Variants in MPV17 observed in about 807,000 individuals in gnomAD.
MPV17 encodes the protein mitochondrial inner membrane protein MPV17.
MPV17 carries 31 observed loss-of-function variants against 28.6 expected under a neutral mutation model. The observed-to-expected ratio is 1.08, with a 90% confidence interval of 0.81 to 1.46. The LOEUF (loss-of-function observed/expected upper bound fraction) is 1.46, where lower values mean the gene tolerates loss of function less well. Ranked by LOEUF, MPV17 falls within the 40% of genes most tolerant of loss-of-function variation. The pLI is 0.00. For missense variants in MPV17, 198 were observed against 216.2 expected (o/e 0.92, Z 0.53); for synonymous variants, 87 against 85.3 (o/e 1.02, Z -0.11).
intron 4 of MPV17, 36 bp downstream of exon 4, chr2:27,312,644 C>T (rs760435174): frequency 1.2e-6 from 2 of 1,613,356 alleles, no homozygotes; most frequent in East Asian, 2.2e-5. Flanking sequence ...CTACCCCCAA[C>T]ACAGCTCACC....
chr2:27,309,854 G>C lies in MPV17; in HGVS notation c.*58C>G. On this transcript the variant is annotated 3_prime_UTR_variant, in exon 8 of 8. Coordinates refer to ENST00000380044, the MANE Select transcript of MPV17 (RefSeq NM_002437.5). The stretch of plus-strand genomic sequence containing the variant: ...TATGCCCACTTTGAGGAGGTTGTCT[G>C]ACCGTTCCAGGGTCAAGCTGCATCA... The C allele has an allele frequency of 6.8e-7, 1 of 1,478,750 alleles. No homozygotes were observed. Among genetic ancestry groups the C allele is most frequent in the Non-Finnish European group, 9.5e-7 (1 of 1,058,088 alleles). The allele number at this position is 1,478,750 out of a possible 1,614,324, so 91.6% of individuals were successfully genotyped here.
intron 2 of MPV17, among the ~76,000 whole-genome samples, chr2:27,320,221 T>A (rs1326314828): frequency 2.7e-5 from 4 of 149,580 alleles, no homozygotes; most frequent in Non-Finnish European, 5.9e-5. Context: ...CGGGCAACAG[T>A]GCAAGACTCC....
chr2:27,312,428 C>A, intron 5 of MPV17, 66 bp downstream of exon 5: 1 of 1,555,660 alleles, frequency 6.4e-7, no homozygotes. Context: ...CCCTGTAAAA[C>A]CTGTCTTCTT....
intron 7 of MPV17, among the ~76,000 whole-genome samples, chr2:27,310,830 C>T (rs1374464290): frequency 3.3e-5 from 5 of 152,132 alleles, no homozygotes; most frequent in South Asian, 2.1e-4. Flanking sequence ...CTGCAACCTC[C>T]GCCTCCCAGG....
chr2:27,312,408 C>G, intron 5 of MPV17, 86 bp downstream of exon 5: 2 of 1,493,728 alleles, frequency 1.3e-6, no homozygotes, highest in Non-Finnish European at 1.9e-6. Context: ...GCACTTACCC[C>G]CTTTTTTATC....
At chr2:27,311,268 C>T in intron 7 of MPV17, 1 of 335,468 alleles carries the variant, frequency 3.0e-6, no homozygotes, top group Non-Finnish European at 5.6e-6. Flanking sequence ...ACTATATTGC[C>T]CAGGCTGGTG....
chr2:27,310,052 T>C (rs1429992412), intron 7 of MPV17, 71 bp from the exon 8 acceptor site: 3 of 1,175,540 alleles, frequency 2.6e-6, no homozygotes, highest in African/African-American at 3.0e-5. Context: ...GATGGGAGCA[T>C]GAAATGGCAA....
Position 27,309,615 on chromosome 2 carries a change from A to G in MPV17, c.*297T>C. ...TAGAGTAACAAATGTGTCTATGAAG[A>G]GTGGGGATGAGTGGCATTTGCTGGG... On this transcript the variant is annotated 3_prime_UTR_variant, in exon 8 of 8. Coordinates refer to ENST00000380044, the MANE Select transcript of MPV17 (RefSeq NM_002437.5). The G allele has an allele frequency of 1.7e-6, 1 of 589,128 alleles. No individual in the cohort carries two copies. The highest frequency in any genetic ancestry group is 2.0e-5 in the South Asian group (1 of 49,294). The allele number at this position is 589,128 out of a possible 1,614,324, so 36.5% of individuals were successfully genotyped here.
intron 2 of MPV17, among the ~76,000 whole-genome samples, chr2:27,314,782 A>G (rs1199717083): frequency 1.3e-5 from 2 of 152,192 alleles, no homozygotes; most frequent in African/African-American, 4.8e-5. Context: ...TGTGCCCTCA[A>G]TTAGCACTGG....
In MPV17 at chr2:27,312,138, G is replaced by C; in HGVS notation, c.408+76C>G. The C allele has an allele frequency of 6.5e-6, 10 of 1,543,578 alleles. No individual in the cohort carries two copies. In the South Asian group the frequency reaches 1.0e-4, roughly 15 times the overall value. On this transcript the variant is annotated intron_variant, in intron 6 of 7. Transcript: ENST00000380044. ...CCCAACGGAAGGGTTTCCCATGTCAGGAGGACCCCCCAATCCCAGGACAGT... is the reference window on the plus strand; with the variant it reads ...CCCAACGGAAGGGTTTCCCATGTCACGAGGACCCCCCAATCCCAGGACAGT...
chr2:27,311,816 C>G, intron 7 of MPV17, 83 bp downstream of exon 7: 1 of 1,584,618 alleles, frequency 6.3e-7, no homozygotes. Flanking sequence ...TAAGGTAGCT[C>G]AAGGTTGAAA....
intron 2 of MPV17, among the ~76,000 whole-genome samples, chr2:27,314,789 C>T (rs1679589135): frequency 6.6e-6 from 1 of 152,258 alleles, no homozygotes; most frequent in Non-Finnish European, 1.5e-5. Flanking sequence ...TCAATTAGCA[C>T]TGGACAAACA....
At chr2:27,322,918 G>T (rs1259760260) in intron 1 of MPV17, 134 bp downstream of exon 1, 6 of 313,630 alleles carry the variant, frequency 1.9e-5, no homozygotes, top group Admixed American at 4.7e-5. Flanking sequence ...GAACCAGTTT[G>T]TAACCTTCCT....
At position 27,311,284 on chromosome 2, in the gene MPV17, C is replaced by G. The variant is rs148263129; in HGVS notation, c.461+615G>C. On this transcript the variant is annotated intron_variant, in intron 7 of 7. Coordinates refer to ENST00000380044, the MANE Select transcript of MPV17 (RefSeq NM_002437.5). ...CTATATTGCCCAGGCTGGTGTGAAA[C>G]TCCTGGACTCAAGCAAACCTCTTGC... is the stretch of plus-strand genomic sequence containing the variant. The G allele has an allele frequency of 3.5e-4, 130 of 370,208 alleles. 1 individual carries two copies. In the East Asian group the frequency reaches 6.6e-3, roughly 19 times the overall value. 22.9% of individuals were successfully genotyped at this position (370,208 alleles called of 1,614,324 possible).
chr2:27,310,116 T>C, intron 7 of MPV17, 135 bp from the exon 8 acceptor site: 1 of 732,124 alleles, frequency 1.4e-6, no homozygotes, highest in East Asian at 2.7e-5. Flanking sequence ...CTTCAGCACC[T>C]TTTTTTTGAG....
chr2:27,322,281 TTGGGGACCACCCTCCAAAACAGAC>T, intron 2 of MPV17, 143 bp downstream of exon 2: 1 of 709,412 alleles, frequency 1.4e-6, no homozygotes, highest in Admixed American at 2.1e-5. Flanking sequence ...AAAAACAGCC[TTGGGGACCACCCTCCAAAACAGAC>T]TGGGGACAGT....
Position 27,309,917 on chromosome 2 carries a change from G to T in MPV17, c.526C>A (p.Leu176Ile). ...AACGATGGAGTGAGGCAGGCTTAGA[G>T]CCGATGTGCCTTCCAGGACAGGTAG... ...NSYLSWKAHR[L>I] The change falls in exon 8 of 8, where the codon CTC becomes ATC. Residue 176 changes from leucine to isoleucine, a missense_variant. Physicochemically the swap from Leu to Ile is conservative, Grantham distance 5. Coordinates refer to ENST00000380044, the MANE Select transcript of MPV17 (RefSeq NM_002437.5). The T allele has an allele frequency of 1.2e-6, 2 of 1,613,714 alleles. No homozygotes were observed. Among genetic ancestry groups the T allele is most frequent in the African/African-American group, 1.3e-5 (1 of 75,050 alleles).
At chr2:27,314,458 C>T (rs1179593214) in intron 2 of MPV17, among the ~76,000 whole-genome samples, 1 of 152,158 alleles carries the variant, frequency 6.6e-6, no homozygotes, top group Non-Finnish European at 1.5e-5. Flanking sequence ...CCAAGATTTC[C>T]CCCATTCACA....
chr2:27,315,534 G>A (rs1408909809), intron 2 of MPV17, among the ~76,000 whole-genome samples: 3 of 152,154 alleles, frequency 2.0e-5, no homozygotes, highest in East Asian at 1.9e-4. Context: ...GGAGGTAGGT[G>A]GTCACACCTC....
Sources: allele counts gnomAD v4.1 joint callset (sites outside exome capture counted in the v4.1 genomes callset), GRCh38; gene constraint gnomAD v4.1.1; transcripts MANE v1.5; gene names NCBI Gene and HGNC (gene_info 2026-07-23, HGNC 2026-07-21).